The following NTM variants were observed in gnomAD, a reference collection of about 807,000 sequenced individuals.
NTM encodes neurotrimin, also known as IgLON family member 2.
NTM carries 13 observed loss-of-function variants against 42.1 expected under a neutral mutation model. The ratio of observed to expected loss-of-function variants is 0.31; its 90% CI spans 0.20 to 0.49. The LOEUF (loss-of-function observed/expected upper bound fraction) is 0.49, where lower values mean the gene tolerates loss of function less well. Among genes scored for constraint, NTM ranks in the 20% least tolerant of loss-of-function variants. The pLI is 0.99. For synonymous variants in NTM, 187 were observed against 179.2 expected, an observed-to-expected ratio of 1.04 and a Z score of -0.35; for missense variants, 373 against 452.8, an observed-to-expected ratio of 0.82 and a Z score of 1.60.
chr11:131,836,017 C>T (rs1479857131), intron 1 of NTM, among the ~76,000 whole-genome samples: 1 of 152,124 alleles, frequency 6.6e-6, no homozygotes, highest in African/African-American at 2.4e-5. Context: ...CTGATATAGT[C>T]ATGAAAGTCA....
intron 2 of NTM, among the ~76,000 whole-genome samples, chr11:131,925,594 G>A (rs765983682): frequency 1.3e-5 from 2 of 151,892 alleles, no homozygotes; most frequent in African/African-American, 4.8e-5. Flanking sequence ...CCATGTTGCC[G>A]AGGAGGTCTC....
At chr11:132,194,449 C>A (rs1394975769) in intron 3 of NTM, among the ~76,000 whole-genome samples, 4 of 151,986 alleles carry the variant, frequency 2.6e-5, no homozygotes, top group Non-Finnish European at 5.9e-5. Context: ...ACAAATTAGG[C>A]ATCAAAGGAA....
chr11:131,488,882 C>T (rs916227245), intron 1 of NTM, among the ~76,000 whole-genome samples: 5 of 152,116 alleles, frequency 3.3e-5, no homozygotes, highest in Admixed American at 6.6e-5. Context: ...CTAATACAAG[C>T]GCAGGATATT....
chr11:131,702,625 TC>T (rs1399696637), intron 1 of NTM, among the ~76,000 whole-genome samples: 1 of 152,156 alleles, frequency 6.6e-6, no homozygotes, highest in African/African-American at 2.4e-5. Context: ...GAACCATCTC[TC>T]TAATAGGAAG....
At chr11:131,912,019 T>C (rs1421700190) in intron 2 of NTM, among the ~76,000 whole-genome samples, 1 of 152,154 alleles carries the variant, frequency 6.6e-6, no homozygotes, top group Non-Finnish European at 1.5e-5. Flanking sequence ...AGCAGTCTTC[T>C]CTGAAGTTAA....
intron 1 of NTM, among the ~76,000 whole-genome samples, chr11:131,397,218 C>T (rs1443088456): frequency 1.3e-5 from 2 of 151,992 alleles, no homozygotes; most frequent in African/African-American, 4.8e-5. Flanking sequence ...AGGCATAATC[C>T]ATCTTCATGT....
intron 1 of NTM, among the ~76,000 whole-genome samples, chr11:131,579,476 G>A (rs1456074654): frequency 2.0e-5 from 3 of 152,104 alleles, no homozygotes; most frequent in Non-Finnish European, 4.4e-5. Flanking sequence ...TTTTTAAAAG[G>A]TTTGAGAGGC....
chr11:131,962,590 C>A (rs930684119), intron 2 of NTM, among the ~76,000 whole-genome samples: 1 of 152,222 alleles, frequency 6.6e-6, no homozygotes, highest in Non-Finnish European at 1.5e-5. Context: ...TTGGACTTCC[C>A]AGCCTCAAAA....
intron 1 of NTM, among the ~76,000 whole-genome samples, chr11:131,893,918 A>G (rs1024021844): frequency 6.6e-6 from 1 of 152,172 alleles, no homozygotes; most frequent in Non-Finnish European, 1.5e-5. Flanking sequence ...AAGAGGGCGC[A>G]TGTTTCTTTT....
chr11:131,527,024 C>T (rs1317816769), intron 1 of NTM, among the ~76,000 whole-genome samples: 1 of 152,174 alleles, frequency 6.6e-6, no homozygotes, highest in Non-Finnish European at 1.5e-5. Flanking sequence ...GATTTCAGTC[C>T]TATCTAGTCC....
chr11:131,933,872 C>G (rs9633967), intron 2 of NTM, among the ~76,000 whole-genome samples: 2 of 33,876 alleles, frequency 5.9e-5, no homozygotes, highest in Non-Finnish European at 1.1e-4. Context: ...TTACTGAACT[C>G]TTTTTTTCTG....
intron 8 of NTM, 138 bp downstream of exon 8, chr11:132,330,323 A>C: frequency 1.1e-6 from 1 of 891,916 alleles, no homozygotes; most frequent in Non-Finnish European, 1.7e-6. Flanking sequence ...ACCTTCAACC[A>C]TCTCCGTGTC....
intron 3 of NTM, among the ~76,000 whole-genome samples, chr11:132,209,379 A>G (rs1246565650): frequency 2.0e-5 from 3 of 152,202 alleles, no homozygotes; most frequent in African/African-American, 7.2e-5. Flanking sequence ...CCAAATGCTT[A>G]TGGGAGTGCA....
chr11:131,820,260 C>T (rs747662205), intron 1 of NTM, among the ~76,000 whole-genome samples: 2 of 152,116 alleles, frequency 1.3e-5, no homozygotes, highest in Non-Finnish European at 2.9e-5. Context: ...CCCTTATCGC[C>T]TCTATGTCTG....
In NTM at chr11:132,320,258, G is replaced by C. The variant is rs2095530377; in HGVS notation, c.934+5555G>C. Among the ~76,000 whole-genome samples, 3 of 152,352 alleles carry C rather than the reference G, an allele frequency of 2.0e-5. No homozygotes were observed. The South Asian group carries it at 6.2e-4, about 32-fold the overall frequency. On this transcript the variant is annotated intron_variant, in intron 7 of 8. Coordinates refer to ENST00000683400, the MANE Select transcript of NTM (RefSeq NM_001352005.2). The stretch of plus-strand genomic sequence containing the variant: ...ATGGGTGATTTCTGCATTTCCATCT[G>C]AGGTACTGGGTTCATCTCATTAAGG...
chr11:131,962,295 G>T (rs554931050), intron 2 of NTM, among the ~76,000 whole-genome samples: 1 of 152,264 alleles, frequency 6.6e-6, no homozygotes, highest in South Asian at 2.1e-4. Flanking sequence ...CAATAAGCAA[G>T]GCACAACCAA....
chr11:131,946,170 G>A (rs1484842197), intron 2 of NTM, among the ~76,000 whole-genome samples: 5 of 152,166 alleles, frequency 3.3e-5, no homozygotes, highest in African/African-American at 1.2e-4. Context: ...GCTGGGTCAT[G>A]CAGGCAGTGG....
At chr11:131,985,497 C>A (rs139215689) in intron 2 of NTM, among the ~76,000 whole-genome samples, 2 of 152,192 alleles carry the variant, frequency 1.3e-5, no homozygotes, top group Non-Finnish European at 2.9e-5. Context: ...CAGTGCAACA[C>A]CGTGCTACTG....
chr11:131,857,885 C>T (rs984395708), intron 1 of NTM, among the ~76,000 whole-genome samples: 3 of 152,164 alleles, frequency 2.0e-5, no homozygotes, highest in Admixed American at 6.6e-5. Flanking sequence ...ATTCCAATGA[C>T]ATCTCATCAT....
Sources: gnomAD v4.1 joint callset for allele counts (sites outside exome capture counted in the v4.1 genomes callset) on GRCh38, gnomAD v4.1.1 for gene constraint, MANE v1.5 for transcripts, NCBI Gene and HGNC (gene_info 2026-07-23, HGNC 2026-07-21) for gene names.